Variants in SNX7 observed in about 807,000 individuals in gnomAD.
SNX7 encodes the protein sorting nexin-7.
Under a neutral mutation model 48.4 loss-of-function variants are expected in SNX7, and 35 were observed. That is an observed-to-expected ratio of 0.72 (90% confidence interval 0.55 to 0.96). SNX7 has a LOEUF of 0.96. Ranked by LOEUF, SNX7 falls within the 40% of genes least tolerant of loss-of-function variation. SNX7 has a pLI of 0.00. For missense variants in SNX7, 553 were observed against 548.9 expected (o/e 1.01, Z -0.07); for synonymous variants, 190 against 190.2 (o/e 1.00, Z 0.01).
chr1:98,683,571 C>G lies in SNX7; in HGVS notation c.181-1314C>G, dbSNP rs187783987. Among the ~76,000 whole-genome samples, 506 of 152,210 alleles carry G rather than the reference C, an allele frequency of 3.3e-3. 2 individuals are homozygous for G. Among genetic ancestry groups the G allele is most frequent in the Non-Finnish European group, 4.5e-3 (307 of 68,006 alleles). ...AAAGGACCCCAGAGAGACCCTCCCC[C>G]CTTTTACCATGTGAGATTATAGTGA... is the stretch of plus-strand genomic sequence containing the variant. On this transcript the variant is annotated intron_variant, in intron 1 of 8. Coordinates refer to ENST00000306121, the MANE Select transcript of SNX7 (RefSeq NM_015976.5).
At chr1:98,721,618 C>CTTTA (rs1652877161) in intron 7 of SNX7, among the ~76,000 whole-genome samples, 1 of 151,786 alleles carries the variant, frequency 6.6e-6, no homozygotes. Flanking sequence ...ATATTGAGAA[C>CTTTA]TAAATGAGAT....
At chr1:98,749,050 C>T (rs74110621) in intron 8 of SNX7, among the ~76,000 whole-genome samples, 1,717 of 152,232 alleles carry the variant, frequency 0.011, 28 homozygotes, top group African/African-American at 0.039. Context: ...AAGTGTCTAG[C>T]ATTAAACTGG....
At position 98,706,029 on chromosome 1, in the gene SNX7, G is replaced by A. The variant is rs141059793; in HGVS notation, c.1125+4126G>A. Among the ~76,000 whole-genome samples, 24 of 152,212 alleles carry A rather than the reference G, an allele frequency of 1.6e-4. No individual in the cohort carries two copies. The East Asian group carries it at 4.6e-3, about 29-fold the overall frequency. On this transcript the variant is annotated intron_variant, in intron 7 of 8. Transcript: ENST00000306121. The stretch of plus-strand genomic sequence containing the variant: ...ATAAAAAGTGAAGAAGAAATCTGGA[G>A]GTGTGCAGCTTTACATAATGATAAG...
intron 6 of SNX7, among the ~76,000 whole-genome samples, chr1:98,699,572 A>G (rs1651645599): frequency 6.6e-6 from 1 of 152,134 alleles, no homozygotes; most frequent in Admixed American, 6.6e-5. Flanking sequence ...TCAGTGTTTT[A>G]GGGTGGTGAT....
intron 5 of SNX7, 38 bp downstream of exon 5, chr1:98,695,754 C>A: frequency 7.2e-7 from 1 of 1,383,340 alleles, no homozygotes; most frequent in Non-Finnish European, 1.0e-6. Flanking sequence ...CAAAGTTGTT[C>A]AGTTTCTGAT....
chr1:98,678,668 A>T (rs1463783090), intron 1 of SNX7, among the ~76,000 whole-genome samples: 1 of 152,214 alleles, frequency 6.6e-6, no homozygotes, highest in East Asian at 1.9e-4. Flanking sequence ...TGCAGCTTTA[A>T]GGGGCTCCCA....
intron 1 of SNX7, among the ~76,000 whole-genome samples, chr1:98,674,647 C>A (rs1259881311): frequency 6.6e-6 from 1 of 152,178 alleles, no homozygotes; most frequent in Non-Finnish European, 1.5e-5. Context: ...CAATTCAACC[C>A]ATAACAAATG....
intron 8 of SNX7, among the ~76,000 whole-genome samples, chr1:98,746,585 G>C (rs983870462): frequency 6.6e-6 from 1 of 152,092 alleles, no homozygotes; most frequent in African/African-American, 2.4e-5. Flanking sequence ...AGAGATATAA[G>C]ATTTCTAATG....
At chr1:98,711,206 A>G (rs1470042548) in intron 7 of SNX7, among the ~76,000 whole-genome samples, 1 of 151,972 alleles carries the variant, frequency 6.6e-6, no homozygotes, top group Non-Finnish European at 1.5e-5. Flanking sequence ...TAATAGAGAC[A>G]GGGTTTCGCC....
At chr1:98,683,418 A>G (rs1650610313) in intron 1 of SNX7, among the ~76,000 whole-genome samples, 1 of 152,028 alleles carries the variant, frequency 6.6e-6, no homozygotes, top group South Asian at 2.1e-4. Context: ...TGGTATGAAT[A>G]TTTGTGTCCA....
rs531368126 is a variant in SNX7, at chr1:98,708,471, T to C, written c.1125+6568T>C. Among the ~76,000 whole-genome samples, 7 of 152,232 alleles carry C rather than the reference T, an allele frequency of 4.6e-5. No individual in the cohort carries two copies. The East Asian group carries it at 1.4e-3, about 29-fold the overall frequency. On this transcript the variant is annotated intron_variant, in intron 7 of 8. Transcript: ENST00000306121. ...CAATACACACCCAGTTACAGATACC[T>C]GAAAAAACTGGGGCCTTTGCAGAAC...
At position 98,701,895 on chromosome 1, in the gene SNX7, A is replaced by G; in HGVS notation, c.1117A>G (p.Thr373Ala). The G allele has an allele frequency of 6.2e-7, 1 of 1,606,470 alleles. No homozygotes were observed. The highest frequency in any genetic ancestry group is 8.5e-7 in the Non-Finnish European group (1 of 1,176,292). The change falls in exon 7 of 9, where the codon ACT (threonine) becomes GCT (alanine). Residue 373 changes from threonine to alanine, a missense_variant. By Grantham distance (58) the Thr-to-Ala change is moderately conservative. Coordinates refer to ENST00000306121, the MANE Select transcript of SNX7 (RefSeq NM_015976.5). ...VEVLTYKKAD[T>A]DLLPEEIGKL... Reference sequence around the variant, plus strand: ...AGTTTTGACCTATAAAAAGGCAGATACTGATCTGGTAAGTTTTTAAGTTTC... The same window carrying G: ...AGTTTTGACCTATAAAAAGGCAGATGCTGATCTGGTAAGTTTTTAAGTTTC...
intron 7 of SNX7, among the ~76,000 whole-genome samples, chr1:98,730,779 A>G (rs1257067522): frequency 6.6e-6 from 1 of 152,170 alleles, no homozygotes; most frequent in East Asian, 1.9e-4. Flanking sequence ...AAAACATTCC[A>G]TACTCATAGG....
At chr1:98,732,224 T>C (rs35836386) in intron 7 of SNX7, among the ~76,000 whole-genome samples, 42,029 of 152,070 alleles carry the variant, frequency 0.28, 6,124 homozygotes, top group Middle Eastern at 0.31. Context: ...GTATCTGAGA[T>C]GTGTCTTAAT....
chr1:98,702,338 C>T (rs908735998), intron 7 of SNX7, among the ~76,000 whole-genome samples: 1 of 151,938 alleles, frequency 6.6e-6, no homozygotes, highest in Non-Finnish European at 1.5e-5. Context: ...AATATCTTTG[C>T]GTTTGCAAGT....
chr1:98,717,515 G>A (rs1438480876), intron 7 of SNX7, among the ~76,000 whole-genome samples: 8 of 152,030 alleles, frequency 5.3e-5, no homozygotes, highest in African/African-American at 7.2e-5. Context: ...TGCAGAAACC[G>A]CTATATCTAA....
intron 7 of SNX7, among the ~76,000 whole-genome samples, chr1:98,702,732 A>G (rs1651814388): frequency 6.6e-6 from 1 of 152,144 alleles, no homozygotes; most frequent in Non-Finnish European, 1.5e-5. Flanking sequence ...TGCCTGCCTC[A>G]GACAGTGCTG....
intron 3 of SNX7, 73 bp from the exon 4 acceptor site, chr1:98,691,462 G>A: frequency 7.9e-7 from 1 of 1,266,656 alleles, no homozygotes; most frequent in South Asian, 2.0e-5. Flanking sequence ...CTTCCAAACA[G>A]GGAAAGCGTA....
chr1:98,739,071 G>T (rs1490884921), intron 8 of SNX7, among the ~76,000 whole-genome samples: 1 of 152,054 alleles, frequency 6.6e-6, no homozygotes, highest in Non-Finnish European at 1.5e-5. Flanking sequence ...GTTTTCCTAG[G>T]TGGGGGGCGG....
Sources: allele counts gnomAD v4.1 joint callset (sites outside exome capture counted in the v4.1 genomes callset), GRCh38; gene constraint gnomAD v4.1.1; transcripts MANE v1.5; gene names NCBI Gene and HGNC (gene_info 2026-07-23, HGNC 2026-07-21).